The following IL1RAPL1 variants were observed in gnomAD, a reference collection of about 807,000 sequenced individuals.
IL1RAPL1 encodes the protein interleukin-1 receptor accessory protein-like 1.
A neutral mutation model predicts 48.4 loss-of-function variants in IL1RAPL1; 3 were observed. The observed-to-expected ratio is 0.06, with a 90% CI of 0.03 to 0.16. The LOEUF (loss-of-function observed/expected upper bound fraction) is 0.16. Among genes scored for constraint, IL1RAPL1 ranks in the 10% least tolerant of loss-of-function variants. The pLI, the probability that IL1RAPL1 is intolerant of heterozygous loss-of-function variation, is 1.00. For missense variants in IL1RAPL1, 349 were observed against 530.6 expected, an observed-to-expected ratio of 0.66 and a Z score of 3.36; for synonymous variants, 185 against 187.7, an observed-to-expected ratio of 0.99 and a Z score of 0.12.
intron 5 of IL1RAPL1, among the ~76,000 whole-genome samples, chrX:29,403,959 C>T (rs751097900): frequency 1.9e-4 from 21 of 112,428 alleles, no homozygotes; most frequent in Admixed American, 1.3e-3. Flanking sequence ...TTGCTAAGGT[C>T]AGCACCTTTC....
intron 2 of IL1RAPL1, among the ~76,000 whole-genome samples, chrX:29,045,569 G>A (rs1038123860): frequency 1.8e-5 from 2 of 111,228 alleles, no homozygotes; most frequent in Non-Finnish European, 1.9e-5. Context: ...AGGCTCGAGG[G>A]ATCCTCCTGC....
At chrX:29,448,590 G>A (rs1934638691) in intron 5 of IL1RAPL1, among the ~76,000 whole-genome samples, 2 of 112,020 alleles carry the variant, frequency 1.8e-5, no homozygotes, top group South Asian at 3.7e-4. Context: ...AAGAAAATAC[G>A]CAATGGGTGG....
At chrX:29,049,875 G>A (rs1927055355) in intron 2 of IL1RAPL1, among the ~76,000 whole-genome samples, 1 of 112,057 alleles carries the variant, frequency 8.9e-6, no homozygotes, top group Non-Finnish European at 1.9e-5. Context: ...TGGTACATTC[G>A]TTAAAACTAA....
At chrX:28,858,485 A>G (rs1921859933) in intron 2 of IL1RAPL1, among the ~76,000 whole-genome samples, 1 of 112,201 alleles carries the variant, frequency 8.9e-6, no homozygotes. Context: ...AACCACCACC[A>G]TAGTTAGTCA....
chrX:29,521,563 T>C (rs1935503132), intron 5 of IL1RAPL1, among the ~76,000 whole-genome samples: 1 of 112,637 alleles, frequency 8.9e-6, no homozygotes, highest in Admixed American at 9.4e-5. Flanking sequence ...CTGGAAGCCC[T>C]TGCACTTCCA....
At chrX:29,375,581 C>T (rs180759077) in intron 3 of IL1RAPL1, among the ~76,000 whole-genome samples, 53 of 111,732 alleles carry the variant, frequency 4.7e-4, no homozygotes, top group African/African-American at 1.2e-3. Flanking sequence ...CATGCAGACA[C>T]ATCTGCAAAC....
rs190889097 is a variant in IL1RAPL1 at position 29,448,557 on chromosome X, C to T, written c.703+49249C>T. 1.2e-3 allele frequency among the ~76,000 whole-genome samples: 131 copies of T among 111,987 alleles called. 2 individuals carry two copies. The highest frequency in any genetic ancestry group is 4.1e-3 in the African/African-American group (126 of 30,927). ...GACATGCATAATACAGAATCAGAGT[C>T]ATGAAAGTAAATGCGTAAAAGAAAG... On this transcript the variant is annotated intron_variant, in intron 5 of 10. Coordinates refer to ENST00000378993, the MANE Select transcript of IL1RAPL1 (RefSeq NM_014271.4).
intron 6 of IL1RAPL1, among the ~76,000 whole-genome samples, chrX:29,889,144 GT>G (rs1321994478): frequency 1.8e-5 from 2 of 111,718 alleles, no homozygotes; most frequent in Non-Finnish European, 3.8e-5. Flanking sequence ...ATAGGTTCAT[GT>G]TTTTTTGTGT....
At chrX:29,796,316 C>T (rs1459760426) in intron 6 of IL1RAPL1, among the ~76,000 whole-genome samples, 13 of 112,340 alleles carry the variant, frequency 1.2e-4, no homozygotes, top group Non-Finnish European at 1.9e-5. Context: ...TATGCATACT[C>T]TGCTGAACAA....
rs148659272 is a variant in IL1RAPL1, at chrX:29,839,285, T to C, written c.779-78179T>C. Among the ~76,000 whole-genome samples, 715 of 112,248 alleles carry C rather than the reference T, an allele frequency of 6.4e-3. 1 individual carries two copies. The highest frequency in any genetic ancestry group is 0.011 in the Non-Finnish European group (580 of 53,248). On this transcript the variant is annotated intron_variant, in intron 6 of 10. Coordinates refer to ENST00000378993, the MANE Select transcript of IL1RAPL1 (RefSeq NM_014271.4). ...AAATTAACTCATATATGTAAACCAATGGGTCAATCACCTGGCACATTGGAG... is the reference window on the plus strand; with the variant it reads ...AAATTAACTCATATATGTAAACCAACGGGTCAATCACCTGGCACATTGGAG...
At chrX:29,527,605 G>A (rs770353976) in intron 5 of IL1RAPL1, among the ~76,000 whole-genome samples, 2 of 110,261 alleles carry the variant, frequency 1.8e-5, no homozygotes, top group East Asian at 2.8e-4. Flanking sequence ...GATTACAGGC[G>A]TGAGCCGCTG....
intron 2 of IL1RAPL1, among the ~76,000 whole-genome samples, chrX:29,199,803 A>AT: frequency 9.0e-6 from 1 of 111,304 alleles, no homozygotes; most frequent in East Asian, 2.8e-4. Context: ...ATAAAACATT[A>AT]TTTTTTTCTA....
At chrX:28,978,342 A>G (rs758487261) in intron 2 of IL1RAPL1, among the ~76,000 whole-genome samples, 10 of 111,678 alleles carry the variant, frequency 9.0e-5, no homozygotes, top group Non-Finnish European at 1.1e-4. Context: ...GATTACTTCA[A>G]TTTTCTCAGA....
chrX:29,627,291 G>A (rs1049928848), intron 5 of IL1RAPL1, among the ~76,000 whole-genome samples: 2 of 112,266 alleles, frequency 1.8e-5, no homozygotes, highest in African/African-American at 3.2e-5. Context: ...AAAGCATTTC[G>A]GCATTGATAA....
intron 2 of IL1RAPL1, among the ~76,000 whole-genome samples, chrX:29,144,581 C>T (rs1422684224): frequency 2.6e-5 from 2 of 75,537 alleles, no homozygotes; most frequent in Non-Finnish European, 4.6e-5. Context: ...CCAGCCTGGG[C>T]GACAAGAATG....
intron 6 of IL1RAPL1, among the ~76,000 whole-genome samples, chrX:29,748,172 A>C (rs928204755): frequency 5.4e-5 from 6 of 111,950 alleles, no homozygotes; most frequent in Admixed American, 9.5e-5. Flanking sequence ...GAATGCCTCC[A>C]ACCTTCATGA....
chrX:29,577,802 T>C (rs16988690), intron 5 of IL1RAPL1, among the ~76,000 whole-genome samples: 2,512 of 112,015 alleles, frequency 0.022, 65 homozygotes, highest in African/African-American at 0.077. Context: ...TAACCTGATA[T>C]GATTTTTTAT....
rs1231962320 is a variant in IL1RAPL1, at chrX:28,728,182, C to T, written c.-24-61138C>T. Reference sequence around the variant, plus strand: ...ATTATATTTTCATAAATTCAGATAACACTGTACAGTTATTGTTGAATACTA... The same window carrying T: ...ATTATATTTTCATAAATTCAGATAATACTGTACAGTTATTGTTGAATACTA... On this transcript the variant is annotated intron_variant, in intron 1 of 10. Transcript: ENST00000378993. Among the ~76,000 whole-genome samples, 10 of 111,861 alleles carry T rather than the reference C, an allele frequency of 8.9e-5. No homozygotes were observed. The South Asian group carries it at 3.7e-3, about 41-fold the overall frequency.
intron 2 of IL1RAPL1, among the ~76,000 whole-genome samples, chrX:29,272,161 G>A (rs1159817174): frequency 2.7e-5 from 3 of 111,806 alleles, no homozygotes; most frequent in African/African-American, 9.8e-5. Context: ...TGAATAGGGA[G>A]TCTTTTCCCC....
Sources: gnomAD v4.1 joint callset for allele counts (sites outside exome capture counted in the v4.1 genomes callset) on GRCh38, gnomAD v4.1.1 for gene constraint, MANE v1.5 for transcripts, NCBI Gene and HGNC (gene_info 2026-07-23, HGNC 2026-07-21) for gene names.